PAH: variants seen among roughly 807,000 people sequenced by gnomAD.
The protein encoded by PAH is phenylalanine hydroxylase, also known as phenylalanine-4-hydroxylase.
In PAH, 64 loss-of-function variants were observed where a neutral mutation model predicts 62.0. The observed-to-expected ratio is 1.03, with a 90% CI of 0.84 to 1.27. PAH has a LOEUF of 1.27. Ranked by LOEUF, PAH falls within the 50% of genes most tolerant of loss-of-function variation. The pLI, the probability that PAH is intolerant of heterozygous loss-of-function variation, is 0.00. For synonymous variants in PAH, 195 were observed against 196.2 expected, an observed-to-expected ratio of 0.99 and a Z score of 0.05; for missense variants, 579 against 542.8, an observed-to-expected ratio of 1.07 and a Z score of -0.66.
intron 2 of PAH, among the ~76,000 whole-genome samples, chr12:102,903,427 A>G (rs1877847207): frequency 6.6e-6 from 1 of 151,974 alleles, no homozygotes; most frequent in Non-Finnish European, 1.5e-5. Flanking sequence ...ATGGAGCAAT[A>G]ATCACAACTC....
chr12:102,897,472 T>A (rs1015872366), intron 2 of PAH, among the ~76,000 whole-genome samples: 8 of 106,542 alleles, frequency 7.5e-5, no homozygotes, highest in African/African-American at 1.1e-4. Flanking sequence ...TGTGTATATA[T>A]ATATATATAT....
intron 8 of PAH, among the ~76,000 whole-genome samples, chr12:102,847,618 CAAT>C (rs1316025951): frequency 3.3e-5 from 5 of 151,900 alleles, no homozygotes; most frequent in African/African-American, 1.2e-4. Context: ...TGGAGACAGA[CAAT>C]AAATAATGAA....
Position 102,909,924 on chromosome 12 carries a change from A to G in PAH, c.168+2867T>C, listed in dbSNP as rs944921154. ...CAGTGAGCTGAGATCGCACCACTACACTCCAGCCTGTGTGACAGAGTAAGA... is the reference window on the plus strand; with the variant it reads ...CAGTGAGCTGAGATCGCACCACTACGCTCCAGCCTGTGTGACAGAGTAAGA... On this transcript the variant is annotated intron_variant, in intron 2 of 12. Coordinates refer to ENST00000553106, the MANE Select transcript of PAH (RefSeq NM_000277.3). Among the ~76,000 whole-genome samples the G allele has an allele frequency of 7.2e-5, 11 of 152,222 alleles. No individual in the cohort carries two copies. In the South Asian group the frequency reaches 1.0e-3, roughly 14 times the overall value.
In PAH at chr12:102,851,548, C is replaced by A. The variant is rs558680349; in HGVS notation, c.912+139G>T. Reference sequence around the variant, plus strand: ...GTATTTAGCTTCCCAGAACCACACACCCATTTCAGGTGGGATCATAGAACT... The same window carrying A: ...GTATTTAGCTTCCCAGAACCACACAACCATTTCAGGTGGGATCATAGAACT... On this transcript the variant is annotated intron_variant, in intron 8 of 12. Coordinates refer to ENST00000553106, the MANE Select transcript of PAH (RefSeq NM_000277.3). 1.0e-4 allele frequency: 76 copies of A among 727,146 alleles called. 1 individual carries two copies. In the African/African-American group the frequency reaches 1.2e-3, roughly 11 times the overall value. The allele number at this position is 727,146 out of a possible 1,614,324, so 45.0% of individuals were successfully genotyped here.
At chr12:102,885,427 A>G (rs201545646) in intron 3 of PAH, among the ~76,000 whole-genome samples, 1 of 152,102 alleles carries the variant, frequency 6.6e-6, no homozygotes, top group Admixed American at 6.5e-5. Flanking sequence ...GAGCCCCTTA[A>G]CAGCCTCTCC....
intron 2 of PAH, among the ~76,000 whole-genome samples, chr12:102,905,133 C>T (rs1877925757): frequency 6.6e-6 from 1 of 152,178 alleles, no homozygotes; most frequent in South Asian, 2.1e-4. Flanking sequence ...CCAGGCATAG[C>T]AAGACCAGTA....
chr12:102,894,705 C>T, intron 3 of PAH, 30 bp downstream of exon 3: 1 of 1,569,238 alleles, frequency 6.4e-7, no homozygotes, highest in African/African-American at 1.4e-5. Flanking sequence ...TGTGGAGTTA[C>T]TTATGTTGCA....
At chr12:102,919,704 G>T (rs2888702), upstream of PAH, among the ~76,000 whole-genome samples, 28,162 of 151,976 alleles carry the variant, frequency 0.19, 2,948 homozygotes, top group African/African-American at 0.28. Flanking sequence ...GTGATGTTTG[G>T]CTTTCTGTGC....
Position 102,889,877 on chromosome 12 carries a change from T to C in PAH, c.352+4858A>G, listed in dbSNP as rs769041296. Among the ~76,000 whole-genome samples, 4 of 152,140 alleles carry C rather than the reference T, an allele frequency of 2.6e-5. 1 individual carries two copies. Among genetic ancestry groups the C allele is most frequent in the Non-Finnish European group, 2.9e-5 (2 of 68,032 alleles). On this transcript the variant is annotated intron_variant, in intron 3 of 12. Transcript: ENST00000553106. ...GACTCAAAGGGAAAGGTAAAAGGATTAGTAGATTGATCGATGAAAGATATT... is the reference window on the plus strand; with the variant it reads ...GACTCAAAGGGAAAGGTAAAAGGATCAGTAGATTGATCGATGAAAGATATT...
intron 1 of PAH, among the ~76,000 whole-genome samples, chr12:102,913,610 A>T (rs1295186756): frequency 1.3e-5 from 2 of 152,216 alleles, no homozygotes; most frequent in Admixed American, 1.3e-4. Context: ...AAAATTATAA[A>T]TACACAAAAA....
In PAH at chr12:102,894,960, A is replaced by T. The variant is rs281865459; in HGVS notation, c.169-42T>A. 2 of 1,475,088 alleles carry T rather than the reference A, an allele frequency of 1.4e-6. No individual in the cohort carries two copies. The highest frequency in any genetic ancestry group is 1.9e-6 in the Non-Finnish European group (2 of 1,057,990). 91.4% of individuals were successfully genotyped at this position (1,475,088 alleles called of 1,614,324 possible). On this transcript the variant is annotated intron_variant, in intron 2 of 12. Coordinates refer to ENST00000553106, the MANE Select transcript of PAH (RefSeq NM_000277.3). ...GGAGGGTGAGGAGACAGTCACTGGA[A>T]CTAACGCAGGCCAAAGATGCAGAAC...
At chr12:102,893,560 C>T (rs576646067) in intron 3 of PAH, among the ~76,000 whole-genome samples, 144 of 152,248 alleles carry the variant, frequency 9.5e-4, no homozygotes, top group Non-Finnish European at 1.7e-3. Flanking sequence ...ATTTGTCCAG[C>T]CCTACAGTGC....
chr12:102,887,131 GT>G (rs1003991840), intron 3 of PAH, among the ~76,000 whole-genome samples: 4 of 152,114 alleles, frequency 2.6e-5, no homozygotes, highest in Non-Finnish European at 5.9e-5. Context: ...GAGGCTATTG[GT>G]TTTGAGTATT....
chr12:102,941,886 A>G (rs1226961878), intron 1 of PAH, among the ~76,000 whole-genome samples: 1 of 152,208 alleles, frequency 6.6e-6, no homozygotes, highest in Non-Finnish European at 1.5e-5. Flanking sequence ...ACATCCCTTC[A>G]TGTTAAAAAC....
intron 1 of PAH, among the ~76,000 whole-genome samples, chr12:102,948,911 C>T (rs568608255): frequency 6.6e-6 from 1 of 152,114 alleles, no homozygotes; most frequent in Non-Finnish European, 1.5e-5. Context: ...TAAGTCCTCA[C>T]GATGCTCTAT....
At chr12:102,879,608 G>A (rs944354435) in intron 3 of PAH, among the ~76,000 whole-genome samples, 2 of 151,060 alleles carry the variant, frequency 1.3e-5, no homozygotes, top group Non-Finnish European at 3.0e-5. Flanking sequence ...TTACCTGTGG[G>A]GGGGGGGTAC....
In PAH at chr12:102,852,836, T is replaced by G; in HGVS notation, c.821A>C (p.Lys274Thr). ...HCTQYIRHGSKPMYTPEPDIC... is the reference protein window; with the variant it reads ...HCTQYIRHGSTPMYTPEPDIC... Reference sequence around the variant, plus strand: ...TCACGGTTCGGGGGTATACATGGGCTTGGATCCATGTCTGATGTACTGTGT... The same window carrying G: ...TCACGGTTCGGGGGTATACATGGGCGTGGATCCATGTCTGATGTACTGTGT... Residue 274 changes from lysine (K) to threonine (T), a missense_variant, in exon 7 of 13, where the codon AAG becomes ACG. Physicochemically the swap from Lys to Thr is moderately conservative, Grantham distance 78 (BLOSUM62 -1). Transcript: ENST00000553106. 1 of 1,614,030 alleles carries G rather than the reference T, an allele frequency of 6.2e-7. No individual in the cohort carries two copies.
At chr12:102,855,722 T>C (rs1229525651) in intron 5 of PAH, among the ~76,000 whole-genome samples, 6 of 152,242 alleles carry the variant, frequency 3.9e-5, no homozygotes, top group South Asian at 2.1e-4. Context: ...GAATGGGGGC[T>C]GGCAGGAGAA....
chr12:102,862,017 C>G (rs1241492544), intron 5 of PAH, among the ~76,000 whole-genome samples: 1 of 137,322 alleles, frequency 7.3e-6, no homozygotes, highest in African/African-American at 2.7e-5. Context: ...GACCTAAAAA[C>G]AGAAATACCA....
Sources: allele counts gnomAD v4.1 joint callset (sites outside exome capture counted in the v4.1 genomes callset), GRCh38; gene constraint gnomAD v4.1.1; transcripts MANE v1.5; gene names NCBI Gene and HGNC (gene_info 2026-07-23, HGNC 2026-07-21).